Variants in PCDHGB4 observed in about 807,000 individuals in gnomAD.
PCDHGB4 encodes protocadherin gamma subfamily B, 4, also known as protocadherin gamma-B4.
PCDHGB4 carries 38 observed loss-of-function variants against 60.5 expected under a neutral mutation model. That is an observed-to-expected ratio of 0.63 (90% CI 0.48 to 0.82). The LOEUF (loss-of-function observed/expected upper bound fraction) is 0.82. PCDHGB4 is among the 40% of genes least tolerant of loss of function. The pLI is 0.00. For synonymous variants in PCDHGB4, 456 were observed against 509.7 expected (o/e 0.89, Z 1.42); for missense variants, 1,109 against 1,209.6 (o/e 0.92, Z 1.23).
chr5:141,399,465 G>C (rs770080703), intron 1 of PCDHGB4: 20 of 1,614,014 alleles, frequency 1.2e-5, no homozygotes, highest in Non-Finnish European at 1.7e-5. Flanking sequence ...ATAACGCTCC[G>C]GTTTTCCACC....
At chr5:141,413,054 A>T in intron 1 of PCDHGB4, 1 of 981,732 alleles carries the variant, frequency 1.0e-6, no homozygotes, top group Non-Finnish European at 1.5e-6. Context: ...AGGGAAGCTC[A>T]CTCCAGAATT....
At chr5:141,436,959 G>A (rs1385958934) in intron 1 of PCDHGB4, among the ~76,000 whole-genome samples, 1 of 152,120 alleles carries the variant, frequency 6.6e-6, no homozygotes, top group Non-Finnish European at 1.5e-5. Context: ...TCTAAACAAG[G>A]ATCTTGTGAA....
chr5:141,399,751 G>C, intron 1 of PCDHGB4: 1 of 1,613,322 alleles, frequency 6.2e-7, no homozygotes, highest in South Asian at 1.1e-5. Context: ...CAGCGCAAAC[G>C]TGAGCCTGCG....
In PCDHGB4 at chr5:141,485,770, T is replaced by A. The variant is rs1199757869; in HGVS notation, c.2398-9037T>A. The A allele has an allele frequency of 6.2e-7, 1 of 1,614,180 alleles. No homozygotes were observed. The highest frequency in any genetic ancestry group is 1.1e-5 in the South Asian group (1 of 91,080). On this transcript the variant is annotated intron_variant, in intron 1 of 3. Transcript: ENST00000519479. This position sits in a 1 kb window ranked among gnomAD's most constrained non-coding sequence, Gnocchi z 5.7. ...TCCCAGAGCTGCTCCTGGAGAAGCC[T>A]TTGGATCGAGAGAAGCAATCGGACT... is the stretch of plus-strand genomic sequence containing the variant.
chr5:141,460,741 A>C (rs1378900827), intron 1 of PCDHGB4, among the ~76,000 whole-genome samples: 1 of 152,128 alleles, frequency 6.6e-6, no homozygotes, highest in African/African-American at 2.4e-5. Flanking sequence ...CACATTGTAT[A>C]TATATGTGTA....
In PCDHGB4 at chr5:141,388,941, C is replaced by A. The variant is rs191165529; in HGVS notation, c.1057C>A (p.Leu353Ile). Residue 353 changes from leucine to isoleucine, a missense_variant, in exon 1 of 4, where the codon CTA becomes ATA. By Grantham distance (5) the Leu-to-Ile change is conservative. Coordinates refer to ENST00000519479, the MANE Select transcript of PCDHGB4 (RefSeq NM_003736.4). ...AGTGATATTCCAGTCTCTACCCAAC[C>A]TAATTATGGAGGACGCCGAGCTGGG... ...PEVIFQSLPNLIMEDAELGTH... is the reference protein window; with the variant it reads ...PEVIFQSLPNIIMEDAELGTH... 1 of 1,613,962 alleles carries A rather than the reference C, an allele frequency of 6.2e-7. No homozygotes were observed. The highest frequency in any genetic ancestry group is 1.1e-5 in the South Asian group (1 of 91,080).
chr5:141,407,317 T>G (rs1268885358), intron 1 of PCDHGB4, among the ~76,000 whole-genome samples: 1 of 152,198 alleles, frequency 6.6e-6, no homozygotes, highest in Non-Finnish European at 1.5e-5. Flanking sequence ...TCATACTTAG[T>G]ATTTATAAAT....
chr5:141,445,786 C>A (rs1189294394), intron 1 of PCDHGB4, among the ~76,000 whole-genome samples: 2 of 152,018 alleles, frequency 1.3e-5, no homozygotes, highest in Non-Finnish European at 2.9e-5. Flanking sequence ...GCTAGGGAGG[C>A]TAGAAACAGA....
intron 1 of PCDHGB4, among the ~76,000 whole-genome samples, chr5:141,444,152 ATTTTTTTTTTTT>A (rs747671382): frequency 5.9e-4 from 20 of 33,896 alleles, no homozygotes; most frequent in African/African-American, 1.8e-3. Flanking sequence ...TGTGTACTGG[ATTTTTTTTTTTT>A]TTTTTTTTTT....
intron 1 of PCDHGB4, chr5:141,392,605 CA>C (rs2092562177): frequency 1.9e-6 from 1 of 514,610 alleles, no homozygotes; most frequent in Admixed American, 3.7e-5. Context: ...TACTGGAAGA[CA>C]AATGCAACCG....
intron 1 of PCDHGB4, chr5:141,408,979 C>A (rs1331121466): frequency 6.2e-7 from 1 of 1,613,862 alleles, no homozygotes; most frequent in East Asian, 2.2e-5. Flanking sequence ...CCCCTGGGTC[C>A]CCTGTGTTGC....
Position 141,486,998 on chromosome 5 carries a change from C to G in PCDHGB4, c.2398-7809C>G, listed in dbSNP as rs754609128. On this transcript the variant is annotated intron_variant, in intron 1 of 3. Coordinates refer to ENST00000519479, the MANE Select transcript of PCDHGB4 (RefSeq NM_003736.4). The surrounding 1 kb of genome is among the most constrained non-coding windows in gnomAD (Gnocchi z 5.0). ...AGGTTACAATGCTTGGGTTTCCTAT[C>G]AGCTCCTGGAGGCCCCAGATCCCAG... The G allele has an allele frequency of 6.2e-7, 1 of 1,614,206 alleles. No homozygotes were observed. Among genetic ancestry groups the G allele is most frequent in the Non-Finnish European group, 8.5e-7 (1 of 1,180,034 alleles).
intron 1 of PCDHGB4, among the ~76,000 whole-genome samples, chr5:141,482,529 GC>G (rs1229840218): frequency 3.6e-5 from 2 of 56,040 alleles, no homozygotes; most frequent in Non-Finnish European, 5.8e-5. Context: ...AGACAGACAT[GC>G]AAAAAAAAAA....
At chr5:141,398,565 A>G (rs2150749377) in intron 1 of PCDHGB4, 2 of 1,614,040 alleles carry the variant, frequency 1.2e-6, no homozygotes, top group South Asian at 1.1e-5. Context: ...GTGAGTCTGC[A>G]CAGCCTGGCA....
intron 1 of PCDHGB4, among the ~76,000 whole-genome samples, chr5:141,470,888 T>C (rs2099243463): frequency 6.6e-6 from 1 of 151,912 alleles, no homozygotes; most frequent in Non-Finnish European, 1.5e-5. Context: ...GTTTTTGTTT[T>C]TGTTTTTTGT....
At position 141,481,036 on chromosome 5, in the gene PCDHGB4, C is replaced by T. The variant is rs1040377549; in HGVS notation, c.2398-13771C>T. Among the ~76,000 whole-genome samples, 19 of 151,964 alleles carry T rather than the reference C, an allele frequency of 1.3e-4. 1 individual carries two copies. The highest frequency in any genetic ancestry group is 3.4e-4 in the African/African-American group (14 of 41,456). ...TCACACCACTGCACTCCAGCCTGGG[C>T]GACAGAGCGAGACTCCACCTCAAAA... is the stretch of plus-strand genomic sequence containing the variant. On this transcript the variant is annotated intron_variant, in intron 1 of 3. Transcript: ENST00000519479.
chr5:141,470,323 A>C (rs1029928511), intron 1 of PCDHGB4, among the ~76,000 whole-genome samples: 1 of 152,188 alleles, frequency 6.6e-6, no homozygotes, highest in African/African-American at 2.4e-5. Flanking sequence ...AAATGATCCC[A>C]TAATTTGACC....
chr5:141,423,149 A>G (rs763488632), intron 1 of PCDHGB4: 2 of 1,613,554 alleles, frequency 1.2e-6, no homozygotes, highest in Non-Finnish European at 8.5e-7. Context: ...GCGCTCAAGC[A>G]GAGCCTCGTG....
intron 1 of PCDHGB4, chr5:141,394,556 C>T (rs752795340): frequency 1.9e-6 from 3 of 1,614,112 alleles, no homozygotes; most frequent in Admixed American, 3.3e-5. Context: ...CGCCCCGCTC[C>T]GCAGAGCGTG....
Sources: gnomAD v4.1 joint callset for allele counts (sites outside exome capture counted in the v4.1 genomes callset) on GRCh38, gnomAD v4.1.1 for gene constraint, Gnocchi (gnomAD v3.1) non-coding constraint, MANE v1.5 for transcripts, NCBI Gene and HGNC (gene_info 2026-07-23, HGNC 2026-07-21) for gene names.